The following DPP6 variants were observed in gnomAD, a reference collection of about 807,000 sequenced individuals.
DPP6 encodes the protein A-type potassium channel modulatory protein DPP6.
DPP6 carries 69 observed loss-of-function variants against 122.6 expected under a neutral mutation model. The ratio of observed to expected loss-of-function variants is 0.56; its 90% CI spans 0.46 to 0.69. The LOEUF (loss-of-function observed/expected upper bound fraction) is 0.69, where lower values mean the gene tolerates loss of function less well. Among genes scored for constraint, DPP6 ranks in the 30% least tolerant of loss-of-function variants. The probability of loss-of-function intolerance (pLI) is 0.00; values close to 1 mark genes in which losing one functional copy is unlikely to be tolerated. For missense variants in DPP6, 928 were observed against 1,116.9 expected (o/e 0.83, Z 2.41); for synonymous variants, 418 against 433.1 (o/e 0.97, Z 0.43).
chr7:154,226,319 T>C (rs950971060), intron 1 of DPP6, among the ~76,000 whole-genome samples: 4 of 113,722 alleles, frequency 3.5e-5, no homozygotes, highest in Non-Finnish European at 6.7e-5. Context: ...TTTTGTCTTA[T>C]GCCAGATGTG....
chr7:154,046,033 G>A (rs574830621), intron 1 of DPP6, among the ~76,000 whole-genome samples: 2 of 152,138 alleles, frequency 1.3e-5, no homozygotes, highest in South Asian at 2.1e-4. Context: ...TACCCAACAA[G>A]TATTTATTTC....
chr7:154,402,591 A>G (rs1253258884), intron 1 of DPP6, among the ~76,000 whole-genome samples: 1 of 119,554 alleles, frequency 8.4e-6, no homozygotes, highest in Non-Finnish European at 1.7e-5. Flanking sequence ...CACTCTGGGG[A>G]CTGTTGTGGG....
chr7:154,446,841 T>C (rs1819917177), intron 2 of DPP6, among the ~76,000 whole-genome samples: 2 of 152,102 alleles, frequency 1.3e-5, no homozygotes, highest in South Asian at 2.1e-4. Flanking sequence ...ACATGCACTA[T>C]TGAGTAAGCC....
At chr7:154,291,100 A>G (rs955138501) in intron 1 of DPP6, among the ~76,000 whole-genome samples, 1 of 152,084 alleles carries the variant, frequency 6.6e-6, no homozygotes, top group African/African-American at 2.4e-5. Flanking sequence ...CCCCTCCAAA[A>G]ACAATCCCAT....
At chr7:153,983,861 C>G (rs1259733739) in intron 1 of DPP6, among the ~76,000 whole-genome samples, 1 of 152,050 alleles carries the variant, frequency 6.6e-6, no homozygotes, top group Non-Finnish European at 1.5e-5. Context: ...TCTGCTCACC[C>G]TCCATGGGCT....
intron 1 of DPP6, among the ~76,000 whole-genome samples, chr7:154,247,243 G>T (rs1296481531): frequency 6.6e-6 from 1 of 152,144 alleles, no homozygotes; most frequent in Non-Finnish European, 1.5e-5. Flanking sequence ...AACCTGGGAG[G>T]TGGAGGTTGC....
chr7:153,855,923 G>T, the DPP6 span, among the ~76,000 whole-genome samples: 7 of 152,092 alleles, frequency 4.6e-5, no homozygotes, highest in African/African-American at 1.7e-4. Flanking sequence ...TTTTTGGTTA[G>T]TCTAGGGTTT....
the DPP6 span, among the ~76,000 whole-genome samples, chr7:153,869,515 C>T: frequency 6.6e-6 from 1 of 152,194 alleles, no homozygotes; most frequent in East Asian, 1.9e-4. Context: ...GTAGATCTTC[C>T]TCCATCCCTT....
chr7:154,828,986 A>G (rs1162595806), intron 16 of DPP6, among the ~76,000 whole-genome samples: 3 of 152,238 alleles, frequency 2.0e-5, no homozygotes, highest in Non-Finnish European at 4.4e-5. Flanking sequence ...GCTATCATCA[A>G]TAATGCAGAT....
At chr7:154,054,391 G>T (rs1040665411) in intron 1 of DPP6, among the ~76,000 whole-genome samples, 6 of 152,006 alleles carry the variant, frequency 3.9e-5, no homozygotes, top group Admixed American at 2.6e-4. Context: ...GTGAGGTTTT[G>T]CTGTTGTTAT....
chr7:154,379,135 A>G (rs1160774226), intron 1 of DPP6, among the ~76,000 whole-genome samples: 1 of 152,224 alleles, frequency 6.6e-6, no homozygotes, highest in East Asian at 1.9e-4. Context: ...CATTCAGTCC[A>G]TAACACATGT....
At chr7:153,874,675 C>T in the DPP6 span, among the ~76,000 whole-genome samples, 6 of 152,100 alleles carry the variant, frequency 3.9e-5, no homozygotes, top group African/African-American at 1.4e-4. Flanking sequence ...TGTGTCTGGC[C>T]CAAAATGTAG....
chr7:154,027,499 C>T lies in DPP6; in HGVS notation c.51+139765C>T, dbSNP rs544340310. On this transcript the variant is annotated intron_variant, in intron 1 of 25. Coordinates refer to the DPP6 transcript ENST00000404039. Reference sequence around the variant, plus strand: ...GGGGTGAGGGGTCTCTCTGAAGTGTCTCTGCTAAGGGCGCTAGTCCCATTC... The same window carrying T: ...GGGGTGAGGGGTCTCTCTGAAGTGTTTCTGCTAAGGGCGCTAGTCCCATTC... 2.6e-5 allele frequency among the ~76,000 whole-genome samples: 4 copies of T among 152,266 alleles called. No individual in the cohort carries two copies. The South Asian group carries it at 8.3e-4, about 32-fold the overall frequency.
At chr7:154,420,407 G>A (rs957521760) in intron 1 of DPP6, among the ~76,000 whole-genome samples, 40 of 152,152 alleles carry the variant, frequency 2.6e-4, no homozygotes, top group Non-Finnish European at 5.4e-4. Context: ...AGCCAGTCAC[G>A]GAGGGACAAA....
At chr7:154,436,657 T>C (rs923712) in intron 1 of DPP6, among the ~76,000 whole-genome samples, 131,641 of 152,230 alleles carry the variant, frequency 0.86, 57,231 homozygotes, top group African/African-American at 0.96. Flanking sequence ...CACAGCTTAA[T>C]GGGTGAGTGT....
At chr7:154,810,462 G>A (rs1026792416) in intron 16 of DPP6, among the ~76,000 whole-genome samples, 6 of 152,156 alleles carry the variant, frequency 3.9e-5, no homozygotes, top group Admixed American at 3.9e-4. Flanking sequence ...AGCACTATAG[G>A]GTGGCTCCTG....
chr7:153,860,651 CA>C, the DPP6 span, among the ~76,000 whole-genome samples: 25,549 of 148,008 alleles, frequency 0.17, 3,471 homozygotes, highest in African/African-American at 0.37. Flanking sequence ...CCCATGCCTT[CA>C]AAAAAAAAAA....
At chr7:154,605,952 C>T (rs1245832369) in intron 5 of DPP6, among the ~76,000 whole-genome samples, 2 of 118,436 alleles carry the variant, frequency 1.7e-5, no homozygotes, top group Middle Eastern at 4.1e-3. Context: ...ATTTTGTTTC[C>T]GAATATATGC....
intron 1 of DPP6, among the ~76,000 whole-genome samples, chr7:154,331,972 C>T (rs958403777): frequency 2.0e-5 from 3 of 152,054 alleles, no homozygotes; most frequent in Non-Finnish European, 4.4e-5. Context: ...ATATTCTCAC[C>T]AATTTGGGTG....
Sources: allele counts gnomAD v4.1 joint callset (sites outside exome capture counted in the v4.1 genomes callset), GRCh38; gene constraint gnomAD v4.1.1; transcripts MANE v1.5; gene names NCBI Gene and HGNC (gene_info 2026-07-23, HGNC 2026-07-21).